The following SLC26A7 variants were observed in gnomAD, a reference collection of about 807,000 sequenced individuals.
SLC26A7 encodes anion exchange transporter.
In SLC26A7, 59 loss-of-function variants were observed where a neutral mutation model predicts 82.5. That is an observed-to-expected ratio of 0.72 (90% CI 0.58 to 0.89). SLC26A7 has a LOEUF of 0.89. Ranked by LOEUF, SLC26A7 falls within the 40% of genes least tolerant of loss-of-function variation. The pLI is 0.00. For synonymous variants in SLC26A7, 271 were observed against 274.3 expected, an observed-to-expected ratio of 0.99 and a Z score of 0.12; for missense variants, 820 against 793.0, an observed-to-expected ratio of 1.03 and a Z score of -0.41.
chr8:91,347,498 A>C (rs552146265), intron 9 of SLC26A7, among the ~76,000 whole-genome samples: 2 of 152,314 alleles, frequency 1.3e-5, no homozygotes, highest in East Asian at 3.9e-4. Flanking sequence ...ATATTTTAAC[A>C]TTATTTTCTT....
At chr8:91,266,403 A>G (rs1811114111) in intron 2 of SLC26A7, among the ~76,000 whole-genome samples, 1 of 151,700 alleles carries the variant, frequency 6.6e-6, no homozygotes, top group Admixed American at 6.6e-5. Context: ...TCTTCAATTT[A>G]TTTAATCTAT....
In SLC26A7 at chr8:91,334,388, G is replaced by T; in HGVS notation, c.736G>T (p.Glu246Ter). 1 of 1,613,392 alleles carries T rather than the reference G, an allele frequency of 6.2e-7. No homozygotes were observed. Among genetic ancestry groups the T allele is most frequent in the Non-Finnish European group, 8.5e-7 (1 of 1,179,580 alleles). ...CATTGTGGTCCTTGTTCTTGTTAAA[G>T]AGCTGAATGAACAGTTTAAAAGGAA... The part of the protein sequence containing the change: ...LSIVVLVLVK[E>*]LNEQFKRKIK... The change falls in exon 6 of 19, where the codon GAG (glutamate) becomes TAG (stop). Residue 246 changes from glutamate (E) to a stop codon, truncating the protein, a stop_gained. Coordinates refer to ENST00000276609, the MANE Select transcript of SLC26A7 (RefSeq NM_052832.4). LOFTEE classifies it high-confidence loss of function.
intron 2 of SLC26A7, among the ~76,000 whole-genome samples, chr8:91,224,523 C>T (rs557815733): frequency 6.6e-6 from 1 of 152,258 alleles, no homozygotes; most frequent in African/African-American, 2.4e-5. Context: ...AGATGTCACT[C>T]AAGGAGGCTG....
chr8:91,222,349 T>C (rs904314249), intron 2 of SLC26A7, among the ~76,000 whole-genome samples: 1 of 152,182 alleles, frequency 6.6e-6, no homozygotes, highest in Non-Finnish European at 1.5e-5. Flanking sequence ...CCTATTTGAA[T>C]ACCCTTTATT....
intron 2 of SLC26A7, among the ~76,000 whole-genome samples, chr8:91,285,296 G>A (rs1811680825): frequency 1.8e-5 from 2 of 113,510 alleles, no homozygotes; most frequent in South Asian, 3.2e-4. Flanking sequence ...TCTTCATGTG[G>A]CATTCACATG....
Position 91,290,016 on chromosome 8 carries a change from GAT to G in SLC26A7, c.304+771_304+772del, listed in dbSNP as rs1811821295. ...GCAAAATTACCTTCCAAATTCTAAT[GAT>G]TATAGTGAGAACTAGATAATTGATA... is the stretch of plus-strand genomic sequence containing the variant. On this transcript the variant is annotated intron_variant, in intron 3 of 18. Transcript: ENST00000276609. Among the ~76,000 whole-genome samples, 4 of 152,108 alleles carry G rather than the reference GAT, an allele frequency of 2.6e-5. 1 individual carries two copies. The highest frequency in any genetic ancestry group is 2.6e-4 in the Admixed American group (4 of 15,260).
intron 16 of SLC26A7, among the ~76,000 whole-genome samples, chr8:91,391,126 A>G (rs1328990522): frequency 6.6e-6 from 1 of 152,158 alleles, no homozygotes; most frequent in Non-Finnish European, 1.5e-5. Context: ...TCTTAAATTT[A>G]CTTTGAAATG....
Position 91,396,908 on chromosome 8 carries a change from G to A in SLC26A7, c.*1811G>A, listed in dbSNP as rs1340942576. On this transcript the variant is annotated 3_prime_UTR_variant, in exon 19 of 19. Coordinates refer to ENST00000276609, the MANE Select transcript of SLC26A7 (RefSeq NM_052832.4). ...GTCAAAAATGAAAATATATTTTGCTGTGTATAAATTGATATTTTGCTATGC... is the reference window on the plus strand; with the variant it reads ...GTCAAAAATGAAAATATATTTTGCTATGTATAAATTGATATTTTGCTATGC... 6.6e-6 allele frequency: 1 copy of A among 152,056 alleles called. No homozygotes were observed. The highest frequency in any genetic ancestry group is 1.5e-5 in the Non-Finnish European group (1 of 67,922). 9.4% of individuals were successfully genotyped at this position (152,056 alleles called of 1,614,324 possible).
chr8:91,304,289 C>T (rs1812243707), intron 4 of SLC26A7, among the ~76,000 whole-genome samples: 1 of 152,136 alleles, frequency 6.6e-6, no homozygotes, highest in Admixed American at 6.5e-5. Flanking sequence ...GGAGAGGAAC[C>T]TGGTGGGAAG....
At chr8:91,271,459 A>G (rs545688868) in intron 2 of SLC26A7, among the ~76,000 whole-genome samples, 2 of 152,342 alleles carry the variant, frequency 1.3e-5, no homozygotes, top group South Asian at 2.1e-4. Context: ...AGCTCAGACA[A>G]CTTGGAGACC....
rs778008156 is a variant in SLC26A7, at chr8:91,340,397, T to C, written c.879-7T>C. 1 of 1,613,236 alleles carries C rather than the reference T, an allele frequency of 6.2e-7. No individual in the cohort carries two copies. The highest frequency in any genetic ancestry group is 1.1e-5 in the South Asian group (1 of 90,996). ...TGATGACTTCAATATGGTCCTTCTT[T>C]CCACAGAATTCCCTCACCTAGAGCT... On this transcript the variant is annotated splice_polypyrimidine_tract_variant and splice_region_variant and intron_variant, in intron 7 of 18. Transcript: ENST00000276609.
chr8:91,326,255 T>C (rs965477060), intron 5 of SLC26A7, among the ~76,000 whole-genome samples: 8 of 152,200 alleles, frequency 5.3e-5, no homozygotes. Flanking sequence ...GCCCTCTCTA[T>C]TAGCTTCCTA....
At chr8:91,376,286 G>A (rs1291510590) in intron 15 of SLC26A7, among the ~76,000 whole-genome samples, 2 of 152,176 alleles carry the variant, frequency 1.3e-5, no homozygotes, top group African/African-American at 4.8e-5. Flanking sequence ...GAGGTGTCAA[G>A]ACACTCTGTC....
intron 14 of SLC26A7, among the ~76,000 whole-genome samples, chr8:91,367,709 A>G (rs1165397579): frequency 1.3e-5 from 2 of 152,242 alleles, no homozygotes; most frequent in Admixed American, 6.5e-5. Flanking sequence ...TGTTTGGCCT[A>G]CTCAACACTA....
intron 2 of SLC26A7, among the ~76,000 whole-genome samples, chr8:91,270,871 C>G (rs1268357377): frequency 6.6e-6 from 1 of 152,166 alleles, no homozygotes; most frequent in East Asian, 1.9e-4. Context: ...GACTGTATTA[C>G]TGGTTATCCA....
At chr8:91,333,376 A>AG (rs1341844939) in intron 5 of SLC26A7, among the ~76,000 whole-genome samples, 1 of 152,194 alleles carries the variant, frequency 6.6e-6, no homozygotes, top group Non-Finnish European at 1.5e-5. Flanking sequence ...AACTTCAAGC[A>AG]GGGCTGCACA....
rs771495319 is a variant in SLC26A7 at position 91,334,370 on chromosome 8, G to T, written c.718G>T (p.Val240Phe). 1.2e-6 allele frequency: 2 copies of T among 1,613,400 alleles called. No homozygotes were observed. Among genetic ancestry groups the T allele is most frequent in the East Asian group, 4.5e-5 (2 of 44,824 alleles). ...ALLLSLLSIV[V>F]LVLVKELNEQ... The stretch of plus-strand genomic sequence containing the variant: ...GCTTTTATCCTTGCTGAGCATTGTG[G>T]TCCTTGTTCTTGTTAAAGAGCTGAA... Residue 240 changes from valine (V) to phenylalanine (F), a missense_variant, in exon 6 of 19, where the codon GTC becomes TTC. Physicochemically the swap from Val to Phe is conservative, Grantham distance 50. Transcript: ENST00000276609.
chr8:91,358,262 A>G (rs1813932591), intron 11 of SLC26A7, among the ~76,000 whole-genome samples: 1 of 152,144 alleles, frequency 6.6e-6, no homozygotes, highest in Admixed American at 6.5e-5. Flanking sequence ...ATTACTGGGT[A>G]TATACCCAAA....
chr8:91,298,947 T>A (rs1225865721), intron 4 of SLC26A7, among the ~76,000 whole-genome samples: 1 of 152,202 alleles, frequency 6.6e-6, no homozygotes, highest in African/African-American at 2.4e-5. Flanking sequence ...TACATTCCCA[T>A]AGCAGTGTAT....
Sources: gnomAD v4.1 joint callset for allele counts (sites outside exome capture counted in the v4.1 genomes callset) on GRCh38, gnomAD v4.1.1 for gene constraint, MANE v1.5 for transcripts, NCBI Gene and HGNC (gene_info 2026-07-23, HGNC 2026-07-21) for gene names.